Variants in SETBP1 observed in about 807,000 individuals in gnomAD.
SETBP1 encodes the protein SET-binding protein.
Under a neutral mutation model 101.0 loss-of-function variants are expected in SETBP1, and 9 were observed. That is an observed-to-expected ratio of 0.09 (90% CI 0.05 to 0.16). The LOEUF (loss-of-function observed/expected upper bound fraction) is 0.16, where lower values mean the gene tolerates loss of function less well. Among genes scored for constraint, SETBP1 ranks in the 10% least tolerant of loss-of-function variants. SETBP1 has a pLI of 1.00. For synonymous variants in SETBP1, 818 were observed against 788.5 expected, an observed-to-expected ratio of 1.04 and a Z score of -0.63; for missense variants, 1,858 against 2,033.8, an observed-to-expected ratio of 0.91 and a Z score of 1.66.
intron 2 of SETBP1, among the ~76,000 whole-genome samples, chr18:44,743,064 C>G (rs769995755): frequency 5.9e-5 from 9 of 151,500 alleles, no homozygotes; most frequent in Non-Finnish European, 1.0e-4. Flanking sequence ...TTATTCTCCA[C>G]CTTCCTCCCT....
At chr18:44,862,947 C>T (rs900838871) in intron 2 of SETBP1, among the ~76,000 whole-genome samples, 1 of 152,134 alleles carries the variant, frequency 6.6e-6, no homozygotes, top group Non-Finnish European at 1.5e-5. Context: ...TGACAGATCC[C>T]ATATTGAGTT....
At chr18:44,891,002 A>C (rs2069756130) in intron 3 of SETBP1, among the ~76,000 whole-genome samples, 1 of 152,200 alleles carries the variant, frequency 6.6e-6, no homozygotes, top group Non-Finnish European at 1.5e-5. Flanking sequence ...AAGACTGGGC[A>C]ATATACAAAA....
intron 2 of SETBP1, among the ~76,000 whole-genome samples, chr18:44,850,760 C>T (rs925426984): frequency 2.0e-5 from 3 of 152,222 alleles, no homozygotes; most frequent in African/African-American, 7.2e-5. Context: ...GCTTTCCTGG[C>T]TTCTTGGTTC....
At chr18:44,825,943 G>A (rs562085994) in intron 2 of SETBP1, among the ~76,000 whole-genome samples, 2 of 152,052 alleles carry the variant, frequency 1.3e-5, no homozygotes, top group Admixed American at 1.3e-4. Context: ...TCTACACCTC[G>A]ATTTTCTCAT....
intron 2 of SETBP1, among the ~76,000 whole-genome samples, chr18:44,810,749 A>C (rs2071844262): frequency 6.6e-6 from 1 of 152,254 alleles, no homozygotes; most frequent in Non-Finnish European, 1.5e-5. Context: ...GGAATGAGGA[A>C]AAGAGAAGTT....
At chr18:45,045,647 A>G (rs2073597687) in intron 5 of SETBP1, among the ~76,000 whole-genome samples, 1 of 152,084 alleles carries the variant, frequency 6.6e-6, no homozygotes, top group Non-Finnish European at 1.5e-5. Context: ...TTCTGGCTTT[A>G]TATTGCCTGT....
At chr18:44,953,952 C>G (rs2071425100) in intron 4 of SETBP1, among the ~76,000 whole-genome samples, 1 of 152,132 alleles carries the variant, frequency 6.6e-6, no homozygotes, top group Non-Finnish European at 1.5e-5. Context: ...GAAAACTTGA[C>G]TACATTCAGA....
intron 3 of SETBP1, among the ~76,000 whole-genome samples, chr18:44,882,199 C>T (rs2069545184): frequency 6.6e-6 from 1 of 152,114 alleles, no homozygotes; most frequent in South Asian, 2.1e-4. Flanking sequence ...TATACAGAAA[C>T]ATTCATTTTT....
At chr18:44,725,856 G>A (rs184216234) in intron 2 of SETBP1, among the ~76,000 whole-genome samples, 75 of 152,172 alleles carry the variant, frequency 4.9e-4, no homozygotes, top group Non-Finnish European at 3.8e-4. Flanking sequence ...GCCAATAATA[G>A]ACTAAGGCAG....
intron 3 of SETBP1, among the ~76,000 whole-genome samples, chr18:44,900,290 G>A (rs1313211863): frequency 6.6e-6 from 1 of 152,172 alleles, no homozygotes; most frequent in Non-Finnish European, 1.5e-5. Context: ...CAGTGATTCT[G>A]ATGCATGGCC....
At position 44,982,069 on chromosome 18, in the gene SETBP1, G is replaced by A. The variant is rs200203358; in HGVS notation, c.4000+28729G>A. Among the ~76,000 whole-genome samples, 16 of 152,322 alleles carry A rather than the reference G, an allele frequency of 1.1e-4. No individual in the cohort carries two copies. The East Asian group carries it at 2.3e-3, about 22-fold the overall frequency. On this transcript the variant is annotated intron_variant, in intron 4 of 5. Coordinates refer to ENST00000649279, the MANE Select transcript of SETBP1 (RefSeq NM_015559.3). ...GAAAGTTTGGGGAAGGTGGGGTGGA[G>A]TTGAAGGTAGTAAAAGCCTCTCAAT...
In SETBP1 at chr18:44,694,863, A is replaced by G. The variant is rs145161034; in HGVS notation, c.-172-6312A>G. On this transcript the variant is annotated intron_variant, in intron 1 of 5. Coordinates refer to ENST00000649279, the MANE Select transcript of SETBP1 (RefSeq NM_015559.3). ...TTAGTTAATCCAACAGCAACATTAG[A>G]GTTTCAGAAAGCTACCTGGCATCTT... Among the ~76,000 whole-genome samples, 982 of 152,354 alleles carry G rather than the reference A, an allele frequency of 6.4e-3. 6 individuals carry two copies. The highest frequency in any genetic ancestry group is 8.5e-3 in the Non-Finnish European group (578 of 68,042).
At chr18:44,708,933 T>A (rs2069280941) in intron 2 of SETBP1, among the ~76,000 whole-genome samples, 1 of 152,208 alleles carries the variant, frequency 6.6e-6, no homozygotes, top group Admixed American at 6.5e-5. Context: ...GACCCACTGT[T>A]CCGTCATCAA....
At chr18:44,856,008 A>C (rs10468972) in intron 2 of SETBP1, among the ~76,000 whole-genome samples, 22,598 of 150,158 alleles carry the variant, frequency 0.15, 1,832 homozygotes, top group South Asian at 0.22. Context: ...TGGTGTTTGG[A>C]TCTAACTTCA....
chr18:44,848,268 C>A (rs181726391), intron 2 of SETBP1, among the ~76,000 whole-genome samples: 2 of 152,026 alleles, frequency 1.3e-5, no homozygotes, highest in Non-Finnish European at 2.9e-5. Context: ...TGGGGAAGGC[C>A]TTAAAGCTCA....
chr18:44,773,814 C>CTG (rs1363747291), intron 2 of SETBP1, among the ~76,000 whole-genome samples: 7 of 146,580 alleles, frequency 4.8e-5, no homozygotes, highest in Non-Finnish European at 1.0e-4. Context: ...CTCTCTCTCT[C>CTG]TCTCTCTCTG....
intron 2 of SETBP1, among the ~76,000 whole-genome samples, chr18:44,801,458 G>C (rs542709037): frequency 6.6e-6 from 1 of 152,226 alleles, no homozygotes; most frequent in South Asian, 2.1e-4. Context: ...TTCTTGACAG[G>C]GACATGACTG....
chr18:44,907,625 C>T (rs551198981), intron 3 of SETBP1, among the ~76,000 whole-genome samples: 1 of 152,216 alleles, frequency 6.6e-6, no homozygotes, highest in Admixed American at 6.5e-5. Flanking sequence ...ATCATCTTTT[C>T]CTGTGCTTCT....
At chr18:44,975,421 G>A (rs1033205022) in intron 4 of SETBP1, among the ~76,000 whole-genome samples, 8 of 152,208 alleles carry the variant, frequency 5.3e-5, no homozygotes, top group South Asian at 2.1e-4. Flanking sequence ...TTTTTCTCAC[G>A]TTAGCAATTC....
Sources: allele counts gnomAD v4.1 joint callset (sites outside exome capture counted in the v4.1 genomes callset), GRCh38; gene constraint gnomAD v4.1.1; transcripts MANE v1.5; gene names NCBI Gene and HGNC (gene_info 2026-07-23, HGNC 2026-07-21).